ABCC4: variants seen among roughly 807,000 people sequenced by gnomAD.
The protein encoded by ABCC4 is ATP binding cassette subfamily C member 4 (PEL blood group), also known as ATP-binding cassette sub-family C member 4.
In ABCC4, 102 loss-of-function variants were observed where a neutral mutation model predicts 168.5. That is an observed-to-expected ratio of 0.61 (90% CI 0.52 to 0.71). The LOEUF (loss-of-function observed/expected upper bound fraction) is 0.71. ABCC4 is among the 30% of genes least tolerant of loss of function. The probability of loss-of-function intolerance (pLI) is 0.00; values close to 1 mark genes in which losing one functional copy is unlikely to be tolerated. For missense variants in ABCC4, 1,402 were observed against 1,605.8 expected (o/e 0.87, Z 2.17); for synonymous variants, 617 against 590.7 (o/e 1.04, Z -0.65).
At chr13:95,177,512 C>T (rs1430520113) in intron 13 of ABCC4, among the ~76,000 whole-genome samples, 195 bp downstream of exon 13, 1 of 152,194 alleles carries the variant, frequency 6.6e-6, no homozygotes, top group Non-Finnish European at 1.5e-5. Context: ...ACTGAAATCA[C>T]TTTGTGTATT....
chr13:95,239,820 C>T (rs1436475492), intron 3 of ABCC4, among the ~76,000 whole-genome samples: 2 of 152,150 alleles, frequency 1.3e-5, no homozygotes, highest in Admixed American at 1.3e-4. Flanking sequence ...TGTACTGTAA[C>T]TCAGAGTATC....
At position 95,089,446 on chromosome 13, in the gene ABCC4, C is replaced by T. The variant is rs376204038; in HGVS notation, c.2536-6156G>A. Among the ~76,000 whole-genome samples the T allele has an allele frequency of 2.2e-4, 34 of 152,116 alleles. 1 individual carries two copies. The highest frequency in any genetic ancestry group is 6.7e-4 in the African/African-American group (28 of 41,506). ...CAGCCTGGCCAACATGGTGAAACCC[C>T]GTCTCTACTAAAAATACAAAATTTA... On this transcript the variant is annotated intron_variant, in intron 20 of 30. Coordinates refer to ENST00000645237, the MANE Select transcript of ABCC4 (RefSeq NM_005845.5).
At chr13:95,166,609 G>A (rs542346121) in intron 14 of ABCC4, among the ~76,000 whole-genome samples, 5 of 152,290 alleles carry the variant, frequency 3.3e-5, no homozygotes, top group South Asian at 2.1e-4. Context: ...TACAAATGGC[G>A]ATTATTATCA....
chr13:95,081,725 G>C (rs996045615), intron 21 of ABCC4, among the ~76,000 whole-genome samples: 6 of 152,208 alleles, frequency 3.9e-5, no homozygotes, highest in Non-Finnish European at 7.3e-5. Flanking sequence ...TGTTGGCCAG[G>C]TGCAGCAGTA....
chr13:95,300,239 G>C (rs2041640485), intron 1 of ABCC4, among the ~76,000 whole-genome samples: 1 of 152,138 alleles, frequency 6.6e-6, no homozygotes, highest in African/African-American at 2.4e-5. Context: ...CAGGAGCCCT[G>C]GGGTGGTTTT....
At chr13:95,159,835 T>G (rs2139538318) in intron 19 of ABCC4, among the ~76,000 whole-genome samples, 1 of 152,360 alleles carries the variant, frequency 6.6e-6, no homozygotes. Flanking sequence ...CAGTCTTCTT[T>G]AATCTTCACA....
At chr13:95,111,059 C>T (rs1422510957) in intron 20 of ABCC4, among the ~76,000 whole-genome samples, 1 of 151,630 alleles carries the variant, frequency 6.6e-6, no homozygotes, top group East Asian at 1.9e-4. Flanking sequence ...ACTATCATCT[C>T]TATGTTTTTG....
chr13:95,098,587 A>T (rs1041140745), intron 20 of ABCC4, among the ~76,000 whole-genome samples: 7 of 152,222 alleles, frequency 4.6e-5, no homozygotes, highest in African/African-American at 1.7e-4. Flanking sequence ...AGACGAAATA[A>T]GCAAATGTAT....
intron 14 of ABCC4, among the ~76,000 whole-genome samples, chr13:95,169,054 G>C (rs949204524): frequency 6.6e-6 from 1 of 152,108 alleles, no homozygotes; most frequent in African/African-American, 2.4e-5. Context: ...GAGACTGAAG[G>C]GCTGCACTGC....
At chr13:95,133,262 C>G (rs1337331965) in intron 19 of ABCC4, among the ~76,000 whole-genome samples, 4 of 151,562 alleles carry the variant, frequency 2.6e-5, no homozygotes, top group Non-Finnish European at 5.9e-5. Context: ...TACAGGCGTG[C>G]ACCACCACAC....
At chr13:95,079,792 G>A (rs1391906629) in intron 21 of ABCC4, among the ~76,000 whole-genome samples, 2 of 152,000 alleles carry the variant, frequency 1.3e-5, no homozygotes, top group African/African-American at 2.4e-5. Context: ...CCAAGATCAC[G>A]GCCACTGCAC....
At chr13:95,248,848 A>C (rs2040182337) in intron 1 of ABCC4, among the ~76,000 whole-genome samples, 1 of 152,134 alleles carries the variant, frequency 6.6e-6, no homozygotes, top group Non-Finnish European at 1.5e-5. Flanking sequence ...GAAGCTCGAG[A>C]CCAGCCCGGC....
chr13:95,079,511 C>G (rs1200885777), intron 21 of ABCC4, among the ~76,000 whole-genome samples: 1 of 152,140 alleles, frequency 6.6e-6, no homozygotes, highest in African/African-American at 2.4e-5. Flanking sequence ...ATATCCTTGA[C>G]AGAGGGAAAA....
At position 95,188,462 on chromosome 13, in the gene ABCC4, T is replaced by C. The variant is rs753513607; in HGVS notation, c.1344A>G (p.Gly448=). 6.2e-7 allele frequency: 1 copy of C among 1,614,096 alleles called. No homozygotes were observed. Among genetic ancestry groups the C allele is most frequent in the Non-Finnish European group, 8.5e-7 (1 of 1,179,982 alleles). ...GELLAVVGPV[G]AGKSSLLSAV... ...AGCCATTCTAACTCACCTTCCCTGC[T>C]CCCACGGGGCCGACCACAGCTAACA... Residue 448 remains glycine (G), a synonymous_variant, in exon 10 of 31, where the codon GGA becomes GGG. Transcript: ENST00000645237.
intron 14 of ABCC4, among the ~76,000 whole-genome samples, chr13:95,167,544 G>C (rs985117614): frequency 2.0e-5 from 3 of 152,116 alleles, no homozygotes; most frequent in Non-Finnish European, 4.4e-5. Flanking sequence ...AAAATCCAAC[G>C]ACACCTTGGG....
intron 20 of ABCC4, among the ~76,000 whole-genome samples, chr13:95,084,602 T>C (rs1021506697): frequency 5.3e-5 from 8 of 152,314 alleles, no homozygotes; most frequent in South Asian, 2.1e-4. Context: ...AGGAAGAGGT[T>C]TGATAACAAG....
chr13:95,024,287 G>A (rs1305043095), intron 30 of ABCC4, among the ~76,000 whole-genome samples: 1 of 151,758 alleles, frequency 6.6e-6, no homozygotes, highest in Non-Finnish European at 1.5e-5. Context: ...AATAACAGCA[G>A]TTCAGAAGGA....
intron 3 of ABCC4, among the ~76,000 whole-genome samples, chr13:95,239,178 AT>A (rs1264301135): frequency 2.0e-5 from 3 of 147,776 alleles, no homozygotes; most frequent in East Asian, 2.0e-4. Flanking sequence ...AAAAAAAAAA[AT>A]TTAAATTATT....
At chr13:95,157,345 A>C (rs1185961541) in intron 19 of ABCC4, among the ~76,000 whole-genome samples, 3 of 151,820 alleles carry the variant, frequency 2.0e-5, no homozygotes, top group Admixed American at 2.0e-4. Context: ...AAAAAAAAAA[A>C]ATTAGCCGGA....
Sources: gnomAD v4.1 joint callset for allele counts (sites outside exome capture counted in the v4.1 genomes callset) on GRCh38, gnomAD v4.1.1 for gene constraint, MANE v1.5 for transcripts, NCBI Gene and HGNC (gene_info 2026-07-23, HGNC 2026-07-21) for gene names.